The following CHD2 variants were observed in gnomAD, a reference collection of about 807,000 sequenced individuals.
CHD2 encodes chromodomain helicase DNA binding protein 2, also known as ATP-dependent chromatin remodeler CHD2.
Under a neutral mutation model 243.9 loss-of-function variants are expected in CHD2, and 28 were observed. That is an observed-to-expected ratio of 0.11 (90% CI 0.09 to 0.16). The LOEUF (loss-of-function observed/expected upper bound fraction) is 0.16. Ranked by LOEUF, CHD2 falls within the 10% of genes least tolerant of loss-of-function variation. CHD2 has a pLI of 1.00. For missense variants in CHD2, 1,386 were observed against 2,209.8 expected, an observed-to-expected ratio of 0.63 and a Z score of 7.47; for synonymous variants, 775 against 779.0, an observed-to-expected ratio of 0.99 and a Z score of 0.09.
chr15:92,968,495 A>G (rs774776863), intron 17 of CHD2, among the ~76,000 whole-genome samples: 3 of 152,212 alleles, frequency 2.0e-5, no homozygotes, highest in Admixed American at 6.5e-5. Flanking sequence ...CACAGGATAA[A>G]TGTCCTTTTT....
intron 2 of CHD2, chr15:92,902,085 G>A: frequency 2.5e-6 from 1 of 397,006 alleles, no homozygotes. Context: ...GCATTTGTAT[G>A]CTTAAGACAT....
At position 93,026,350 on chromosome 15, in the gene CHD2, C is replaced by G. The variant is rs2054586520; in HGVS notation, c.*1645C>G. On this transcript the variant is annotated 3_prime_UTR_variant, in exon 39 of 39. Transcript: ENST00000394196. Reference sequence around the variant, plus strand: ...CTGGGCAGCACCATGAATGCCTTTACCAAGACATGCCAAGTTGGATCCCCC... The same window carrying G: ...CTGGGCAGCACCATGAATGCCTTTAGCAAGACATGCCAAGTTGGATCCCCC... 6.5e-6 allele frequency: 1 copy of G among 152,698 alleles called. No individual in the cohort carries two copies. The highest frequency in any genetic ancestry group is 1.5e-5 in the Non-Finnish European group (1 of 68,204). 9.5% of individuals were successfully genotyped at this position (152,698 alleles called of 1,614,324 possible).
chr15:93,003,864 A>T (rs1272502523), intron 33 of CHD2, among the ~76,000 whole-genome samples: 3 of 151,964 alleles, frequency 2.0e-5, no homozygotes, highest in Admixed American at 2.0e-4. Flanking sequence ...AGTGGCTCAC[A>T]CTTGTAATCC....
At chr15:92,903,646 T>G (rs2052563433) in intron 2 of CHD2, among the ~76,000 whole-genome samples, 1 of 152,244 alleles carries the variant, frequency 6.6e-6, no homozygotes, top group Non-Finnish European at 1.5e-5. Flanking sequence ...GTTCTAATGA[T>G]GGACATACGA....
intron 33 of CHD2, among the ~76,000 whole-genome samples, chr15:93,003,608 G>T (rs987254456): frequency 1.3e-5 from 2 of 150,434 alleles, no homozygotes; most frequent in Non-Finnish European, 3.0e-5. Context: ...GGCCAGGCGG[G>T]GGGAGACGCT....
intron 3 of CHD2, among the ~76,000 whole-genome samples, chr15:92,926,701 G>A (rs187841963): frequency 2.6e-5 from 4 of 152,306 alleles, no homozygotes; most frequent in African/African-American, 4.8e-5. Context: ...GAGAAAGGGT[G>A]GCAGTGGTTC....
chr15:92,929,170 C>G, intron 5 of CHD2, 79 bp downstream of exon 5: 1 of 1,326,018 alleles, frequency 7.5e-7, no homozygotes, highest in South Asian at 1.3e-5. Context: ...TTCGTTGTGT[C>G]TTTAGTCTAC....
In CHD2 at chr15:92,926,504, C is replaced by A. The variant is rs895474027; in HGVS notation, c.295-740C>A. 3.9e-5 allele frequency among the ~76,000 whole-genome samples: 6 copies of A among 152,302 alleles called. No individual in the cohort carries two copies. The East Asian group carries it at 5.8e-4, about 15-fold the overall frequency. The stretch of plus-strand genomic sequence containing the variant: ...TTCTGTTAAAAGAATACAGAATATA[C>A]TTAGTAGTAGTTATCTCTGGGGAAG... On this transcript the variant is annotated intron_variant, in intron 3 of 38. Coordinates refer to ENST00000394196, the MANE Select transcript of CHD2 (RefSeq NM_001271.4).
intron 20 of CHD2, among the ~76,000 whole-genome samples, chr15:92,975,940 C>A (rs1310777373): frequency 6.6e-6 from 1 of 152,130 alleles, no homozygotes; most frequent in Non-Finnish European, 1.5e-5. Flanking sequence ...ATTCCCATTC[C>A]TCCTTTCCTT....
chr15:93,019,919 G>A (rs994004275), intron 37 of CHD2, 93 bp from the exon 38 acceptor site: 8 of 1,446,450 alleles, frequency 5.5e-6, no homozygotes, highest in Non-Finnish European at 7.4e-6. Context: ...GGCAAACAGA[G>A]CACGACTCCA....
chr15:92,956,435 C>G, intron 15 of CHD2, 24 bp from the exon 16 acceptor site: 2 of 1,593,778 alleles, frequency 1.3e-6, no homozygotes, highest in African/African-American at 1.4e-5. Context: ...CCTGGTGGCT[C>G]GTTCTGTTTT....
rs1318336358 is a variant in CHD2 at position 93,002,296 on chromosome 15, G to A, written c.4257G>A (p.Lys1419=). ...KDKEGDKERK[K]SKDKKEKPKS... ...AAGAAGGGGACAAGGAAAGAAAGAA[G>A]TCAAAAGATAAGAAAGAGAAGGTAA... The change falls in exon 33 of 39, where the codon AAG becomes AAA. Residue 1419 remains lysine, a synonymous_variant. Coordinates refer to ENST00000394196, the MANE Select transcript of CHD2 (RefSeq NM_001271.4). 13 of 1,599,256 alleles carry A rather than the reference G, an allele frequency of 8.1e-6. No individual in the cohort carries two copies. The highest frequency in any genetic ancestry group is 1.1e-5 in the Non-Finnish European group (13 of 1,175,698).
rs2053619184 is a variant in CHD2, at chr15:92,956,538, A to G, written c.1889A>G (p.Tyr630Cys). Reference protein sequence around the residue: ...HRLKNDDSLLYKTLIDFKSNH... With the variant: ...HRLKNDDSLLCKTLIDFKSNH... ...TTGAAGAATGATGACTCTTTATTGTATAAAACTCTGATTGATTTCAAGTCC... is the reference window on the plus strand; with the variant it reads ...TTGAAGAATGATGACTCTTTATTGTGTAAAACTCTGATTGATTTCAAGTCC... Residue 630 changes from tyrosine to cysteine, a missense_variant, in exon 16 of 39, where the codon TAT (tyrosine) becomes TGT (cysteine). Coordinates refer to ENST00000394196, the MANE Select transcript of CHD2 (RefSeq NM_001271.4). The G allele has an allele frequency of 1.2e-6, 2 of 1,613,878 alleles. No individual in the cohort carries two copies. Among genetic ancestry groups the G allele is most frequent in the Non-Finnish European group, 8.5e-7 (1 of 1,179,924 alleles).
In CHD2 at chr15:92,997,587, G is replaced by T; in HGVS notation, c.3885+184G>T. ...TTCACGGATGAAGATAAAGGGAAAA[G>T]ACAGTAGCCAGGTGAAATTTTGGGG... On this transcript the variant is annotated intron_variant, in intron 30 of 38. Transcript: ENST00000394196. This position sits in a 1 kb window ranked among gnomAD's most constrained non-coding sequence, Gnocchi z 4.1. 2.0e-6 allele frequency: 1 copy of T among 493,396 alleles called. No individual in the cohort carries two copies. The allele number at this position is 493,396 out of a possible 1,614,324, so 30.6% of individuals were successfully genotyped here.
chr15:93,000,720 A>C (rs2054243914), intron 32 of CHD2, 80 bp downstream of exon 32: 2 of 1,451,472 alleles, frequency 1.4e-6, no homozygotes, highest in African/African-American at 2.8e-5. Context: ...AAATCATCTG[A>C]AATGTGTTTG....
intron 7 of CHD2, among the ~76,000 whole-genome samples, chr15:92,941,008 A>ATT (rs72276944): frequency 0.013 from 1,659 of 130,456 alleles, 42 homozygotes; most frequent in African/African-American, 0.045. Context: ...TATATATATA[A>ATT]TTTTTTTTTT....
At chr15:92,975,002 G>C in intron 20 of CHD2, 52 bp downstream of exon 20, 1 of 1,434,646 alleles carries the variant, frequency 7.0e-7, no homozygotes, top group Non-Finnish European at 9.8e-7. Context: ...TGCATCAAGG[G>C]GAAAGTCTCT....
chr15:92,972,578 G>GAGGAGGATTAGAGAAAGTCAAA (rs2053856165), intron 19 of CHD2, among the ~76,000 whole-genome samples, 161 bp downstream of exon 19: 1 of 15,710 alleles, frequency 6.4e-5, no homozygotes, highest in Non-Finnish European at 2.2e-4. Flanking sequence ...GGGGCCGGGC[G>GAGGAGGATTAGAGAAAGTCAAA]CGGTGGCTCA....
intron 38 of CHD2, chr15:93,022,095 A>G (rs2054541124): frequency 6.6e-6 from 1 of 152,246 alleles, no homozygotes; most frequent in Admixed American, 6.5e-5. Context: ...ACTCTACCCA[A>G]TTGCGTTAGT....
Sources: allele counts gnomAD v4.1 joint callset (sites outside exome capture counted in the v4.1 genomes callset), GRCh38; gene constraint gnomAD v4.1.1; non-coding constraint Gnocchi (gnomAD v3.1); transcripts MANE v1.5; gene names NCBI Gene and HGNC (gene_info 2026-07-23, HGNC 2026-07-21).